The following KANTR variants were observed in gnomAD, a reference collection of about 807,000 sequenced individuals.
KANTR encodes the protein KANTR integral membrane protein.
intron 2 of KANTR, among the ~76,000 whole-genome samples, chrX:53,140,772 CCAG>C (rs1309943302): frequency 2.7e-5 from 3 of 111,569 alleles, no homozygotes; most frequent in African/African-American, 9.8e-5. Context: ...CATTTCAGTT[CCAG>C]GGGTGAGAGT....
At chrX:53,124,407 T>C (rs1933267382) in exon 3 of KANTR, 1 of 297,230 alleles carries the variant, frequency 3.4e-6, no homozygotes, top group Admixed American at 6.1e-5. Flanking sequence ...TCCTCTCTAT[T>C]GTATCTTTGT....
exon 3 of KANTR, chrX:53,142,623 T>A: frequency 3.1e-6 from 1 of 324,395 alleles, no homozygotes. Flanking sequence ...CACAAATTTC[T>A]TTTTGAAGGC....
At chrX:53,125,319 A>G (rs1285506862) in exon 3 of KANTR, 2 of 111,308 alleles carry the variant, frequency 1.8e-5, no homozygotes, top group African/African-American at 3.3e-5. Flanking sequence ...TGGAAACAAC[A>G]TATAACTGGA....
chrX:53,120,093 G>A (rs782236536), intron 2 of KANTR, among the ~76,000 whole-genome samples: 1 of 110,439 alleles, frequency 9.1e-6, no homozygotes, highest in East Asian at 2.8e-4. Flanking sequence ...CTGGAGTGCA[G>A]TGGTACAGTA....
intron 2 of KANTR, chrX:53,113,167 G>T: frequency 4.0e-6 from 1 of 251,409 alleles, no homozygotes; most frequent in Non-Finnish European, 7.9e-6. Flanking sequence ...TCAGAGCGTG[G>T]CTGTAGGGGA....
Position 53,120,255 on chromosome X carries a change from C to T in KANTR, c.-804-3214C>T, listed in dbSNP as rs782189531. Among the ~76,000 whole-genome samples the T allele has an allele frequency of 6.3e-5, 7 of 111,210 alleles. No homozygotes were observed. In the South Asian group the frequency reaches 2.3e-3, roughly 37 times the overall value. ...TTCGCCATGTTCCCCCAGCTGGTCT[C>T]GAACTCTTGGCCTCAAGTGATCCTC... On this transcript the variant is annotated intron_variant, in intron 2 of 2. Coordinates refer to ENST00000604062, the Ensembl canonical transcript of KANTR.
At chrX:53,135,935 C>T (rs1933414625) in intron 2 of KANTR, among the ~76,000 whole-genome samples, 1 of 112,208 alleles carries the variant, frequency 8.9e-6, no homozygotes, top group Non-Finnish European at 1.9e-5. Context: ...CCTCCTCAAA[C>T]TGGGTGTCTT....
At chrX:53,104,730 G>A (rs782370580) in intron 2 of KANTR, among the ~76,000 whole-genome samples, 3 of 111,513 alleles carry the variant, frequency 2.7e-5, no homozygotes, top group African/African-American at 6.5e-5. Context: ...GCTGTTGCAC[G>A]TATCATTCCT....
intron 1 of KANTR, among the ~76,000 whole-genome samples, chrX:53,096,835 C>T (rs1188293083): frequency 6.6e-5 from 7 of 106,763 alleles, no homozygotes; most frequent in African/African-American, 2.4e-4. Context: ...AAAAAAAAAG[C>T]AGTAAAAAAT....
downstream of KANTR, among the ~76,000 whole-genome samples, chrX:53,146,155 CGAGTT>C (rs1569242949): frequency 3.6e-5 from 4 of 112,005 alleles, no homozygotes; most frequent in East Asian, 8.4e-4. Context: ...TGGAGAATGA[CGAGTT>C]GAGAGAAGAA....
intron 1 of KANTR, among the ~76,000 whole-genome samples, chrX:53,098,304 G>A: frequency 9.0e-6 from 1 of 111,324 alleles, no homozygotes; most frequent in South Asian, 3.7e-4. Flanking sequence ...ATACTATATT[G>A]CTAAAAAATG....
intron 2 of KANTR, among the ~76,000 whole-genome samples, chrX:53,104,891 T>C (rs1021692373): frequency 1.8e-5 from 2 of 110,513 alleles, no homozygotes; most frequent in Admixed American, 1.9e-4. Context: ...TTAACTTTTT[T>C]TTTTTCTTTT....
exon 3 of KANTR, chrX:53,124,114 C>T (rs147629690): frequency 0.036 from 10,186 of 285,076 alleles, 184 homozygotes; most frequent in Non-Finnish European, 0.051. Flanking sequence ...ACTGCTGTAA[C>T]TCCTTTAGTA....
At chrX:53,094,152 T>G (rs1297869828) in exon 1 of KANTR, 1 of 113,307 alleles carries the variant, frequency 8.8e-6, no homozygotes, top group Admixed American at 9.3e-5. Context: ...GGTAGCGGCG[T>G]AGGCCCGTGC....
intron 2 of KANTR, among the ~76,000 whole-genome samples, chrX:53,135,595 T>A (rs187685808): frequency 8.9e-6 from 1 of 112,373 alleles, no homozygotes; most frequent in East Asian, 2.8e-4. Context: ...GTATGTGCCT[T>A]CCTGCCTAAC....
chrX:53,134,750 A>G (rs782576750), intron 2 of KANTR, among the ~76,000 whole-genome samples: 23 of 111,877 alleles, frequency 2.1e-4, no homozygotes, highest in Non-Finnish European at 3.2e-4. Context: ...AGTGGAGTCA[A>G]TAAATGAATA....
intron 2 of KANTR, among the ~76,000 whole-genome samples, chrX:53,117,281 AAAAC>A (rs782019354): frequency 7.2e-5 from 8 of 111,584 alleles, no homozygotes; most frequent in African/African-American, 9.8e-5. Context: ...TCCATCTCAA[AAAAC>A]AAACAAACAA....
downstream of KANTR, among the ~76,000 whole-genome samples, chrX:53,145,314 G>A (rs782277492): frequency 8.9e-5 from 10 of 111,874 alleles, no homozygotes; most frequent in South Asian, 7.6e-4. Context: ...CTAATACTGC[G>A]CTTTTCCAAC....
At chrX:53,134,436 G>T (rs1556817395) in intron 2 of KANTR, among the ~76,000 whole-genome samples, 1 of 111,429 alleles carries the variant, frequency 9.0e-6, no homozygotes, top group African/African-American at 3.3e-5. Context: ...TTTCTTCTGG[G>T]CAGGGGAAGG....
Sources: allele counts gnomAD v4.1 joint callset (sites outside exome capture counted in the v4.1 genomes callset), GRCh38; gene constraint gnomAD v4.1.1; transcripts MANE v1.5; gene names NCBI Gene and HGNC (gene_info 2026-07-23, HGNC 2026-07-21).